Variants in CDH13 observed in about 807,000 individuals in gnomAD.
CDH13 encodes the protein cadherin 13, also known as cadherin-13.
A neutral mutation model predicts 63.8 loss-of-function variants in CDH13; 24 were observed. The ratio of observed to expected loss-of-function variants is 0.38; its 90% confidence interval spans 0.27 to 0.53. The LOEUF (loss-of-function observed/expected upper bound fraction) is 0.53. Ranked by LOEUF, CDH13 falls within the 20% of genes least tolerant of loss-of-function variation. The probability of loss-of-function intolerance (pLI) is 0.85; values close to 1 mark genes in which losing one functional copy is unlikely to be tolerated. For missense variants in CDH13, 1,049 were observed against 903.1 expected (o/e 1.16, Z -2.07); for synonymous variants, 503 against 355.3 (o/e 1.42, Z -4.67).
chr16:82,811,551 A>G (rs1171851702), intron 1 of CDH13, among the ~76,000 whole-genome samples: 1 of 152,192 alleles, frequency 6.6e-6, no homozygotes, highest in Non-Finnish European at 1.5e-5. Context: ...GAACCTGCTT[A>G]ATTTTCGTTA....
intron 5 of CDH13, among the ~76,000 whole-genome samples, chr16:83,336,033 G>A (rs565668778): frequency 6.6e-6 from 1 of 152,062 alleles, no homozygotes; most frequent in African/African-American, 2.4e-5. Context: ...AGGCATGGTA[G>A]CTCACACCTG....
chr16:82,776,582 G>A (rs1239690275), intron 1 of CDH13, among the ~76,000 whole-genome samples: 1 of 152,216 alleles, frequency 6.6e-6, no homozygotes, highest in Non-Finnish European at 1.5e-5. Context: ...GAATCTCAGT[G>A]CTGTCACTAT....
chr16:83,452,563 C>T (rs2072912966), intron 6 of CDH13, among the ~76,000 whole-genome samples: 1 of 152,014 alleles, frequency 6.6e-6, no homozygotes, highest in African/African-American at 2.4e-5. Context: ...TGTTGTTTTG[C>T]TTGGGGATGG....
chr16:83,741,488 G>GTATATA (rs59956039), intron 10 of CDH13, among the ~76,000 whole-genome samples: 2,031 of 144,750 alleles, frequency 0.014, 26 homozygotes, highest in African/African-American at 0.028. Flanking sequence ...ATGTGTGTGT[G>GTATATA]TATATATATA....
At chr16:83,431,043 C>A (rs1415939752) in intron 6 of CDH13, among the ~76,000 whole-genome samples, 2 of 149,544 alleles carry the variant, frequency 1.3e-5, no homozygotes, top group Non-Finnish European at 3.0e-5. Flanking sequence ...GTTCAATTCC[C>A]ACCTATGAGT....
chr16:82,871,325 C>T (rs1348255476), intron 2 of CDH13, among the ~76,000 whole-genome samples: 3 of 152,100 alleles, frequency 2.0e-5, no homozygotes, highest in Non-Finnish European at 1.5e-5. Context: ...GATGAGTGGG[C>T]ATGGCTCAGG....
intron 1 of CDH13, among the ~76,000 whole-genome samples, chr16:82,728,921 A>T (rs1175915153): frequency 6.6e-6 from 1 of 152,176 alleles, no homozygotes; most frequent in African/African-American, 2.4e-5. Flanking sequence ...CATTTCAACA[A>T]TGTTCACAGT....
At chr16:83,270,409 C>G (rs973380126) in intron 5 of CDH13, among the ~76,000 whole-genome samples, 4 of 152,196 alleles carry the variant, frequency 2.6e-5, no homozygotes, top group African/African-American at 9.7e-5. Flanking sequence ...TTTTTGGCAT[C>G]TGAGAATTAC....
intron 7 of CDH13, among the ~76,000 whole-genome samples, chr16:83,593,181 T>A (rs1906924297): frequency 6.6e-6 from 1 of 152,240 alleles, no homozygotes; most frequent in Non-Finnish European, 1.5e-5. Context: ...ACGCTTGTGA[T>A]GCCCAGCTGA....
At chr16:82,853,484 C>T (rs2151157382) in intron 1 of CDH13, among the ~76,000 whole-genome samples, 1 of 152,304 alleles carries the variant, frequency 6.6e-6, no homozygotes, top group Admixed American at 6.5e-5. Flanking sequence ...CAATAATTAA[C>T]TCACTTAATC....
chr16:83,166,366 G>T lies in CDH13; in HGVS notation c.483+40865G>T, dbSNP rs565359628. On this transcript the variant is annotated intron_variant, in intron 4 of 13. Transcript: ENST00000567109. ...AGAAATGGGCTTTGAGGACCTCTCG[G>T]CCCAGACAGGAAGAGTAATTGGGCT... 8.3e-4 allele frequency among the ~76,000 whole-genome samples: 126 copies of T among 152,198 alleles called. 1 individual carries two copies. Among genetic ancestry groups the T allele is most frequent in the African/African-American group, 3.0e-3 (125 of 41,530 alleles).
intron 6 of CDH13, among the ~76,000 whole-genome samples, chr16:83,394,022 C>T (rs987703693): frequency 6.6e-5 from 10 of 152,132 alleles, no homozygotes; most frequent in East Asian, 1.9e-4. Flanking sequence ...CGCCTGTTCT[C>T]GTAAGTGGGA....
chr16:83,710,131 C>G (rs949487771), intron 10 of CDH13: 2 of 152,204 alleles, frequency 1.3e-5, no homozygotes, highest in African/African-American at 4.8e-5. Context: ...GTAAAGTTCT[C>G]ACAATGCACT....
At chr16:83,613,208 CT>C (rs1410681746) in intron 8 of CDH13, among the ~76,000 whole-genome samples, 1 of 152,162 alleles carries the variant, frequency 6.6e-6, no homozygotes, top group Admixed American at 6.5e-5. Flanking sequence ...TTTTCTCTGG[CT>C]GCTTTCAAAA....
chr16:83,483,463 G>T (rs931487803), intron 6 of CDH13, among the ~76,000 whole-genome samples: 2 of 57,990 alleles, frequency 3.4e-5, no homozygotes, highest in Non-Finnish European at 7.3e-5. Flanking sequence ...CAACCTGAAA[G>T]GTCTTTTTTT....
chr16:83,112,207 T>G (rs1233765577), intron 3 of CDH13, among the ~76,000 whole-genome samples: 2 of 152,276 alleles, frequency 1.3e-5, no homozygotes, highest in African/African-American at 2.4e-5. Context: ...GCAACCATTG[T>G]GTATTTGGTC....
In CDH13 at chr16:82,872,894, C is replaced by A. The variant is rs369578756; in HGVS notation, c.157+14421C>A. ...AAGTATAAGGGATAAAGCTTTGAAT[C>A]AGATAAAAAATGTGCCTCCTGCTGT... is the stretch of plus-strand genomic sequence containing the variant. On this transcript the variant is annotated intron_variant, in intron 2 of 13. Transcript: ENST00000567109. Among the ~76,000 whole-genome samples the A allele has an allele frequency of 6.6e-5, 10 of 152,184 alleles. No individual in the cohort carries two copies. In the East Asian group the frequency reaches 1.9e-3, roughly 29 times the overall value.
chr16:82,888,136 C>G lies in CDH13; in HGVS notation c.157+29663C>G. Among the ~76,000 whole-genome samples, 3 of 152,180 alleles carry G rather than the reference C, an allele frequency of 2.0e-5. No homozygotes were observed. The South Asian group carries it at 6.3e-4, about 32-fold the overall frequency. On this transcript the variant is annotated intron_variant, in intron 2 of 13. Transcript: ENST00000567109. ...CTGAGATCCAAGTTCCAAAAAGCACCGAACAACCTTTTGGGAAGAAAACAT... is the reference window on the plus strand; with the variant it reads ...CTGAGATCCAAGTTCCAAAAAGCACGGAACAACCTTTTGGGAAGAAAACAT...
chr16:83,566,219 A>C (rs1033309149), intron 7 of CDH13, among the ~76,000 whole-genome samples: 1 of 152,056 alleles, frequency 6.6e-6, no homozygotes, highest in African/African-American at 2.4e-5. Flanking sequence ...TTCTGCTTGC[A>C]GTGGAAGGAA....
Sources: gnomAD v4.1 joint callset for allele counts (sites outside exome capture counted in the v4.1 genomes callset) on GRCh38, gnomAD v4.1.1 for gene constraint, MANE v1.5 for transcripts, NCBI Gene and HGNC (gene_info 2026-07-23, HGNC 2026-07-21) for gene names.